NRG3: variants seen among roughly 807,000 people sequenced by gnomAD.
The protein encoded by NRG3 is neuregulin 3, also known as pro-neuregulin-3, membrane-bound isoform.
NRG3 carries 31 observed loss-of-function variants against 66.9 expected under a neutral mutation model. The observed-to-expected ratio is 0.46, with a 90% CI of 0.35 to 0.63. The LOEUF is 0.63. NRG3 is among the 20% of genes least tolerant of loss of function. The pLI is 0.00. For missense variants in NRG3, 910 were observed against 878.9 expected, an observed-to-expected ratio of 1.04 and a Z score of -0.45; for synonymous variants, 393 against 359.4, an observed-to-expected ratio of 1.09 and a Z score of -1.06.
chr10:82,735,256 G>T lies in NRG3; in HGVS notation c.954-3321G>T, dbSNP rs183242609. 4.5e-4 allele frequency among the ~76,000 whole-genome samples: 68 copies of T among 152,142 alleles called. No individual in the cohort carries two copies. The East Asian group carries it at 0.012, about 27-fold the overall frequency. On this transcript the variant is annotated intron_variant, in intron 2 of 8. Coordinates refer to ENST00000372141, the MANE Select transcript of NRG3 (RefSeq NM_001010848.4). Reference sequence around the variant, plus strand: ...TTTTACACAATGTTTATCAACTTTGGCTGTGCTTCCTCTCCTGAGCATGCT... The same window carrying T: ...TTTTACACAATGTTTATCAACTTTGTCTGTGCTTCCTCTCCTGAGCATGCT...
chr10:82,184,704 G>T (rs563715307), intron 1 of NRG3, among the ~76,000 whole-genome samples: 1 of 152,168 alleles, frequency 6.6e-6, no homozygotes, highest in East Asian at 1.9e-4. Flanking sequence ...GTGTTACTTT[G>T]GAAGAGGTCA....
At chr10:82,954,923 A>G (rs566493203) in intron 5 of NRG3, among the ~76,000 whole-genome samples, 5 of 151,800 alleles carry the variant, frequency 3.3e-5, no homozygotes, top group Non-Finnish European at 7.4e-5. Flanking sequence ...AAAGGAAAGT[A>G]GTTTATATGC....
intron 2 of NRG3, among the ~76,000 whole-genome samples, chr10:82,596,394 C>A (rs553474818): frequency 6.6e-6 from 1 of 152,254 alleles, no homozygotes; most frequent in African/African-American, 2.4e-5. Context: ...TAATGAGGCA[C>A]GCATGTGAGA....
chr10:82,203,456 GT>G (rs1419657645), intron 1 of NRG3, among the ~76,000 whole-genome samples: 1 of 152,120 alleles, frequency 6.6e-6, no homozygotes. Context: ...ATTACAGGAT[GT>G]AGTCACTATG....
chr10:82,612,440 T>G (rs1423204444), intron 2 of NRG3, among the ~76,000 whole-genome samples: 3 of 152,110 alleles, frequency 2.0e-5, no homozygotes, highest in Admixed American at 1.3e-4. Context: ...TTAAAATAAA[T>G]TTGCTATTAT....
intron 1 of NRG3, among the ~76,000 whole-genome samples, chr10:82,307,762 T>C: frequency 6.6e-6 from 1 of 152,068 alleles, no homozygotes; most frequent in East Asian, 1.9e-4. Context: ...ATCTTTTTTT[T>C]TTCCTGTCAT....
intron 3 of NRG3, among the ~76,000 whole-genome samples, chr10:82,801,257 T>C (rs1449869552): frequency 2.0e-5 from 3 of 152,162 alleles, no homozygotes; most frequent in Non-Finnish European, 2.9e-5. Flanking sequence ...ATCTCAGGAA[T>C]CTGGAGAGAT....
chr10:82,052,685 A>G (rs2063658607), intron 1 of NRG3, among the ~76,000 whole-genome samples: 1 of 152,218 alleles, frequency 6.6e-6, no homozygotes, highest in Non-Finnish European at 1.5e-5. Flanking sequence ...AATAGCGTGT[A>G]GCTTAGTTCA....
intron 1 of NRG3, among the ~76,000 whole-genome samples, chr10:81,896,010 T>G (rs1843494608): frequency 6.6e-6 from 1 of 152,182 alleles, no homozygotes; most frequent in Non-Finnish European, 1.5e-5. Flanking sequence ...GGGAGCTAAA[T>G]TTTATCTTAA....
intron 1 of NRG3, among the ~76,000 whole-genome samples, chr10:82,049,175 T>C (rs2063467362): frequency 6.6e-6 from 1 of 152,122 alleles, no homozygotes; most frequent in Non-Finnish European, 1.5e-5. Context: ...ATGATATACT[T>C]AGGTCTTTTC....
At chr10:82,307,161 G>A (rs1186251583) in intron 1 of NRG3, among the ~76,000 whole-genome samples, 1 of 152,014 alleles carries the variant, frequency 6.6e-6, no homozygotes, top group African/African-American at 2.4e-5. Context: ...AAGGGCAAAT[G>A]TTTTATACAC....
chr10:82,034,838 G>C (rs2062726591), intron 1 of NRG3, among the ~76,000 whole-genome samples: 1 of 151,996 alleles, frequency 6.6e-6, no homozygotes, highest in Non-Finnish European at 1.5e-5. Flanking sequence ...GCTCTGACTT[G>C]TTGAGAGACC....
intron 1 of NRG3, among the ~76,000 whole-genome samples, chr10:82,112,831 G>T (rs2067468627): frequency 6.6e-6 from 1 of 152,106 alleles, no homozygotes; most frequent in African/African-American, 2.4e-5. Context: ...ATGTATTTCA[G>T]TGATATCACA....
intron 2 of NRG3, among the ~76,000 whole-genome samples, chr10:82,549,513 C>G (rs1188460877): frequency 6.6e-6 from 1 of 152,054 alleles, no homozygotes; most frequent in African/African-American, 2.4e-5. Context: ...GATTGATTTT[C>G]TAAAGTAAGA....
chr10:82,591,324 G>A (rs1421589420), intron 2 of NRG3, among the ~76,000 whole-genome samples: 3 of 152,140 alleles, frequency 2.0e-5, no homozygotes, highest in Non-Finnish European at 4.4e-5. Flanking sequence ...AATGAAATGG[G>A]GAAAAAATGA....
intron 1 of NRG3, among the ~76,000 whole-genome samples, chr10:82,236,057 T>A (rs1182563067): frequency 6.6e-6 from 1 of 152,090 alleles, no homozygotes; most frequent in Admixed American, 6.5e-5. Context: ...ACTGGTGTCT[T>A]GTGTCCACTG....
At chr10:82,096,543 C>T (rs547341666) in intron 1 of NRG3, among the ~76,000 whole-genome samples, 58 of 151,830 alleles carry the variant, frequency 3.8e-4, no homozygotes, top group African/African-American at 1.3e-3. Flanking sequence ...ACTGGAGCCC[C>T]GTCACTCACC....
chr10:82,951,529 T>C lies in NRG3; in HGVS notation c.1115T>C (p.Val372Ala), dbSNP rs760132477. 4 of 1,613,964 alleles carry C rather than the reference T, an allele frequency of 2.5e-6. No homozygotes were observed. Residue 372 changes from valine to alanine, a missense_variant, in exon 5 of 9, where the codon GTC (valine) becomes GCC (alanine). Val to Ala is a moderately conservative substitution (Grantham distance 64). Transcript: ENST00000372141. Reference sequence around the variant, plus strand: ...ATTTCATGTATCATCTTTGGAATTGTCATCGTGGGCATGTTCTGTGCAGCA... The same window carrying C: ...ATTTCATGTATCATCTTTGGAATTGCCATCGTGGGCATGTTCTGTGCAGCA... ...LSISCIIFGI[V>A]IVGMFCAAFY...
chr10:82,547,491 A>G (rs111398866), intron 2 of NRG3, among the ~76,000 whole-genome samples: 12 of 130,944 alleles, frequency 9.2e-5, no homozygotes, highest in Admixed American at 3.8e-4. Flanking sequence ...TCCAGTATAT[A>G]CATATGTGTA....
Sources: gnomAD v4.1 joint callset for allele counts (sites outside exome capture counted in the v4.1 genomes callset) on GRCh38, gnomAD v4.1.1 for gene constraint, MANE v1.5 for transcripts, NCBI Gene and HGNC (gene_info 2026-07-23, HGNC 2026-07-21) for gene names.